Variants in LRFN5 observed in about 807,000 individuals in gnomAD.
LRFN5 encodes leucine rich repeat and fibronectin type III domain containing 5.
LRFN5 carries 24 observed loss-of-function variants against 45.6 expected under a neutral mutation model. The observed-to-expected ratio is 0.53, with a 90% CI of 0.38 to 0.74. LRFN5 has a LOEUF of 0.74. Among genes scored for constraint, LRFN5 ranks in the 30% least tolerant of loss-of-function variants. The pLI, the probability that LRFN5 is intolerant of heterozygous loss-of-function variation, is 0.00. For missense variants in LRFN5, 776 were observed against 861.5 expected, an observed-to-expected ratio of 0.90 and a Z score of 1.24; for synonymous variants, 340 against 313.8, an observed-to-expected ratio of 1.08 and a Z score of -0.88.
chr14:41,705,697 C>T (rs1329741306), intron 1 of LRFN5, among the ~76,000 whole-genome samples: 2 of 152,084 alleles, frequency 1.3e-5, no homozygotes, highest in Non-Finnish European at 2.9e-5. Context: ...GTTTATAGTT[C>T]CATATGTCTC....
intron 2 of LRFN5, among the ~76,000 whole-genome samples, chr14:41,868,757 A>C (rs528133247): frequency 6.6e-6 from 1 of 152,306 alleles, no homozygotes; most frequent in South Asian, 2.1e-4. Flanking sequence ...GCCATTTAAA[A>C]CATTTTTGTG....
chr14:41,892,832 T>G (rs1442457225), intron 4 of LRFN5: 9 of 985,240 alleles, frequency 9.1e-6, no homozygotes, highest in Non-Finnish European at 1.1e-5. Flanking sequence ...AGGCTACAAA[T>G]TCCTATGCAT....
chr14:41,679,163 GA>G (rs1229861792), intron 1 of LRFN5, among the ~76,000 whole-genome samples: 1 of 152,154 alleles, frequency 6.6e-6, no homozygotes, highest in South Asian at 2.1e-4. Context: ...AAATAAACTT[GA>G]AAGGCAGTCT....
chr14:41,674,889 A>C (rs371442289), intron 1 of LRFN5, among the ~76,000 whole-genome samples: 2 of 138,130 alleles, frequency 1.4e-5, no homozygotes, highest in Non-Finnish European at 3.1e-5. Context: ...TCTCAGACGG[A>C]ACGGCCGGGC....
At chr14:41,895,540 G>A (rs1417362471) in intron 4 of LRFN5, among the ~76,000 whole-genome samples, 3 of 152,172 alleles carry the variant, frequency 2.0e-5, no homozygotes, top group South Asian at 2.1e-4. Flanking sequence ...TGGGAAAATC[G>A]CTTGAGCCTG....
At chr14:41,717,514 G>A (rs989527679) in intron 1 of LRFN5, among the ~76,000 whole-genome samples, 10 of 152,286 alleles carry the variant, frequency 6.6e-5, no homozygotes, top group Non-Finnish European at 7.4e-5. Context: ...GGAGGGTTAC[G>A]AAACTTGGAT....
At chr14:41,841,019 C>A (rs1243627019) in intron 2 of LRFN5, among the ~76,000 whole-genome samples, 1 of 151,612 alleles carries the variant, frequency 6.6e-6, no homozygotes, top group African/African-American at 2.4e-5. Context: ...TTCAAGAGAT[C>A]TGTGTGTAAT....
At chr14:41,900,371 A>G (rs890485455) in intron 5 of LRFN5, among the ~76,000 whole-genome samples, 2 of 152,012 alleles carry the variant, frequency 1.3e-5, no homozygotes, top group Non-Finnish European at 2.9e-5. Flanking sequence ...ATTTTAGTAT[A>G]TTATTATAAA....
intron 1 of LRFN5, among the ~76,000 whole-genome samples, chr14:41,674,383 C>A (rs1255767682): frequency 3.7e-5 from 5 of 136,938 alleles, no homozygotes; most frequent in African/African-American, 1.4e-4. Context: ...GGGGGCTGAC[C>A]CCCCCACCTC....
intron 1 of LRFN5, among the ~76,000 whole-genome samples, chr14:41,754,781 C>A (rs1348647551): frequency 6.6e-6 from 1 of 152,038 alleles, no homozygotes; most frequent in African/African-American, 2.4e-5. Flanking sequence ...CTGCTCTGAT[C>A]TTAGTTATTT....
At chr14:41,747,946 G>A (rs184860234) in intron 1 of LRFN5, among the ~76,000 whole-genome samples, 1 of 151,994 alleles carries the variant, frequency 6.6e-6, no homozygotes, top group African/African-American at 2.4e-5. Context: ...AATCAAAACT[G>A]CCATGTAATA....
At chr14:41,781,883 A>G (rs147399911) in intron 2 of LRFN5, among the ~76,000 whole-genome samples, 7 of 151,944 alleles carry the variant, frequency 4.6e-5, no homozygotes, top group African/African-American at 9.7e-5. Context: ...TTATTGTTAC[A>G]TGAGTCCTGA....
At chr14:41,656,235 A>T (rs913889693) in intron 1 of LRFN5, among the ~76,000 whole-genome samples, 2 of 151,984 alleles carry the variant, frequency 1.3e-5, no homozygotes, top group African/African-American at 4.8e-5. Flanking sequence ...TATGAAAATT[A>T]AAAAATATCC....
chr14:41,645,663 T>A (rs1478599876), intron 1 of LRFN5, among the ~76,000 whole-genome samples: 1 of 152,208 alleles, frequency 6.6e-6, no homozygotes, highest in Non-Finnish European at 1.5e-5. Context: ...ACTAAAATAA[T>A]CAGTTGTTTC....
chr14:41,818,137 C>T (rs926998385), intron 2 of LRFN5, among the ~76,000 whole-genome samples: 1 of 151,954 alleles, frequency 6.6e-6, no homozygotes, highest in Non-Finnish European at 1.5e-5. Context: ...ATCATGCTAA[C>T]TGCATGTTAA....
At chr14:41,897,864 G>T (rs1890989847) in intron 4 of LRFN5, among the ~76,000 whole-genome samples, 1 of 152,078 alleles carries the variant, frequency 6.6e-6, no homozygotes, top group Admixed American at 6.6e-5. Context: ...GTGCTTGGAA[G>T]TGGTTGAACA....
chr14:41,709,451 A>C (rs1353183345), intron 1 of LRFN5, among the ~76,000 whole-genome samples: 1 of 152,060 alleles, frequency 6.6e-6, no homozygotes, highest in African/African-American at 2.4e-5. Flanking sequence ...CACACTGTTT[A>C]TTAAAGATGT....
chr14:41,887,783 T>A lies in LRFN5; in HGVS notation c.1158T>A (p.His386Gln), dbSNP rs781505030. ...KLPHLLNSTN[H>Q]IHEPDPGSSD... is the part of the protein sequence containing the mutation. Reference sequence around the variant, plus strand: ...CTCACTTACTAAATAGTACAAACCATATCCATGAGCCTGATCCTGGTTCTT... The same window carrying A: ...CTCACTTACTAAATAGTACAAACCAAATCCATGAGCCTGATCCTGGTTCTT... The change falls in exon 3 of 6, where the codon CAT becomes CAA. Residue 386 changes from histidine to glutamine, a missense_variant. Physicochemically the swap from His to Gln is conservative, Grantham distance 24. Transcript: ENST00000298119. This position sits in a 1 kb window ranked among gnomAD's most constrained non-coding sequence, Gnocchi z 4.8. The A allele has an allele frequency of 9.3e-6, 15 of 1,613,978 alleles. No individual in the cohort carries two copies. The South Asian group carries it at 1.5e-4, about 17-fold the overall frequency.
intron 1 of LRFN5, chr14:41,731,988 T>G (rs1384613165): frequency 2.0e-5 from 3 of 152,202 alleles, no homozygotes; most frequent in African/African-American, 4.8e-5. Context: ...GAAATCTGTC[T>G]TCTCATCCAG....
Sources: gnomAD v4.1 joint callset for allele counts (sites outside exome capture counted in the v4.1 genomes callset) on GRCh38, gnomAD v4.1.1 for gene constraint, Gnocchi (gnomAD v3.1) non-coding constraint, MANE v1.5 for transcripts, NCBI Gene and HGNC (gene_info 2026-07-23, HGNC 2026-07-21) for gene names.